The following NRG1 variants were observed in gnomAD, a reference collection of about 807,000 sequenced individuals.
The protein encoded by NRG1 is neuregulin 1.
Under a neutral mutation model 63.8 loss-of-function variants are expected in NRG1, and 18 were observed. The observed-to-expected ratio is 0.28, with a 90% CI of 0.19 to 0.42. The LOEUF (loss-of-function observed/expected upper bound fraction) is 0.42, where lower values mean the gene tolerates loss of function less well. NRG1 is among the 10% of genes least tolerant of loss of function. The pLI is 1.00. For missense variants in NRG1, 762 were observed against 814.7 expected, an observed-to-expected ratio of 0.94 and a Z score of 0.79; for synonymous variants, 302 against 301.3, an observed-to-expected ratio of 1.00 and a Z score of -0.02.
intron 1 of NRG1, among the ~76,000 whole-genome samples, chr8:32,126,442 A>T (rs1014803587): frequency 6.6e-6 from 1 of 151,870 alleles, no homozygotes; most frequent in African/African-American, 2.4e-5. Flanking sequence ...TACAAGGTTA[A>T]TGTCTCTCCT....
intron 5 of NRG1, chr8:32,647,952 G>A (rs749635574): frequency 7.4e-6 from 12 of 1,614,010 alleles, no homozygotes; most frequent in Non-Finnish European, 9.3e-6. Flanking sequence ...AATCTGCATT[G>A]TCCCCATCCT....
rs556643180 is a variant in NRG1 at position 32,140,096 on chromosome 8, T to C, written c.38-455732T>C. Among the ~76,000 whole-genome samples, 3 of 152,272 alleles carry C rather than the reference T, an allele frequency of 2.0e-5. No individual in the cohort carries two copies. In the East Asian group the frequency reaches 5.8e-4, roughly 29 times the overall value. ...GGGACCCAGCAGCTATGGCCATTTA[T>C]GTCTAGTCCCTCACTCTAGAAAGGA... On this transcript the variant is annotated intron_variant, in intron 1 of 10. Coordinates refer to the NRG1 transcript ENST00000519301.
chr8:32,093,952 C>T (rs1829545387), intron 1 of NRG1, among the ~76,000 whole-genome samples: 2 of 152,136 alleles, frequency 1.3e-5, no homozygotes, highest in Non-Finnish European at 2.9e-5. Context: ...GCGGTGACTT[C>T]ACATTTAGGT....
intron 1 of NRG1, among the ~76,000 whole-genome samples, chr8:32,440,410 C>T (rs369353030): frequency 1.3e-5 from 2 of 152,078 alleles, no homozygotes; most frequent in Non-Finnish European, 2.9e-5. Context: ...CTGCCCACCT[C>T]GGCCTCCCAA....
intron 1 of NRG1, among the ~76,000 whole-genome samples, chr8:32,377,388 G>A (rs1334110862): frequency 6.6e-6 from 1 of 152,184 alleles, no homozygotes; most frequent in African/African-American, 2.4e-5. Flanking sequence ...AATTAGAGGA[G>A]AGCAAAGTTA....
chr8:32,026,626 G>A (rs1014626743), intron 1 of NRG1, among the ~76,000 whole-genome samples: 3 of 152,032 alleles, frequency 2.0e-5, no homozygotes, highest in Non-Finnish European at 2.9e-5. Context: ...TGGCTTTTTA[G>A]TCCCAAGATG....
At chr8:32,350,928 T>C (rs544912591) in intron 1 of NRG1, among the ~76,000 whole-genome samples, 2 of 152,312 alleles carry the variant, frequency 1.3e-5, no homozygotes, top group South Asian at 4.1e-4. Flanking sequence ...CCATAGCAGA[T>C]GCTCAGTCAA....
rs115546170 is a variant in NRG1 at position 32,484,966 on chromosome 8, A to G, written c.38-110862A>G. On this transcript the variant is annotated intron_variant, in intron 1 of 10. Transcript: ENST00000519301. ...GTGAACATACACCACGCAACCTCCC[A>G]TTCAGAGAATTCTTGTGCAAAGAAG... Among the ~76,000 whole-genome samples, 633 of 152,316 alleles carry G rather than the reference A, an allele frequency of 4.2e-3. 5 individuals carry two copies. The highest frequency in any genetic ancestry group is 0.015 in the African/African-American group (617 of 41,576).
At chr8:32,611,343 G>A (rs557126099) in intron 3 of NRG1, among the ~76,000 whole-genome samples, 26 of 151,850 alleles carry the variant, frequency 1.7e-4, no homozygotes, top group African/African-American at 4.3e-4. Flanking sequence ...AATAGGCTTC[G>A]CCTTACCCCC....
intron 1 of NRG1, among the ~76,000 whole-genome samples, chr8:31,981,634 C>T (rs1809119261): frequency 6.6e-6 from 1 of 151,926 alleles, no homozygotes; most frequent in South Asian, 2.1e-4. Context: ...TTGATTTGGT[C>T]TTCTCATCTT....
In NRG1 at chr8:32,079,172, CACACACACAT is replaced by C. The variant is rs1158412027; in HGVS notation, c.37+439746_37+439755del. Among the ~76,000 whole-genome samples, 9 of 151,804 alleles carry C rather than the reference CACACACACAT, an allele frequency of 5.9e-5. No individual in the cohort carries two copies. In the East Asian group the frequency reaches 9.7e-4, roughly 16 times the overall value. On this transcript the variant is annotated intron_variant, in intron 1 of 10. Coordinates refer to the NRG1 transcript ENST00000519301. ...ATACACACACACACACACACACACA[CACACACACAT>C]ACACGCACATACAAGGGGTCATACT...
chr8:32,076,135 A>G (rs1017722363), intron 1 of NRG1, among the ~76,000 whole-genome samples: 1 of 152,140 alleles, frequency 6.6e-6, no homozygotes, highest in African/African-American at 2.4e-5. Context: ...ACTTCTTTAC[A>G]GAGTTAGATA....
intron 1 of NRG1, among the ~76,000 whole-genome samples, chr8:31,865,905 C>A (rs1310691054): frequency 1.3e-5 from 2 of 152,116 alleles, no homozygotes; most frequent in African/African-American, 4.8e-5. Context: ...AAGAAATTTA[C>A]TTCTTATGAC....
Position 31,690,262 on chromosome 8 carries a change from C to A in NRG1, c.37+50831C>A, listed in dbSNP as rs189733625. ...TTATAAATTTCCTCTATAAATTACC[C>A]AGTCTTGGGTATTTCTTCATAGCAG... On this transcript the variant is annotated intron_variant, in intron 1 of 10. Transcript: ENST00000519301. 9.9e-3 allele frequency among the ~76,000 whole-genome samples: 1,509 copies of A among 152,274 alleles called. 17 individuals are homozygous for A. The highest frequency in any genetic ancestry group is 0.02 in the Middle Eastern group (6 of 294).
chr8:32,434,584 G>A (rs954349111), intron 1 of NRG1, among the ~76,000 whole-genome samples: 8 of 152,102 alleles, frequency 5.3e-5, no homozygotes, highest in Non-Finnish European at 1.2e-4. Context: ...CTTCAGAGGT[G>A]CACAGGTTTA....
chr8:31,759,546 A>G (rs902453848), intron 1 of NRG1, among the ~76,000 whole-genome samples: 5 of 152,232 alleles, frequency 3.3e-5, no homozygotes, highest in Middle Eastern at 3.4e-3. Flanking sequence ...AGTCACTTAT[A>G]TAAGTGTGAG....
chr8:31,823,229 G>GTAACCCCA (rs777214393), intron 1 of NRG1, among the ~76,000 whole-genome samples: 2 of 146,552 alleles, frequency 1.4e-5, no homozygotes, highest in Non-Finnish European at 3.0e-5. Flanking sequence ...TTTTGAATCA[G>GTAACCCCA]TAACCCCATA....
At chr8:32,142,481 A>C (rs1255232980) in intron 1 of NRG1, among the ~76,000 whole-genome samples, 1 of 152,164 alleles carries the variant, frequency 6.6e-6, no homozygotes, top group African/African-American at 2.4e-5. Context: ...AACTTTGAAG[A>C]CCACCAATAG....
At chr8:32,090,327 A>G (rs1267133205) in intron 1 of NRG1, among the ~76,000 whole-genome samples, 1 of 152,158 alleles carries the variant, frequency 6.6e-6, no homozygotes, top group Non-Finnish European at 1.5e-5. Flanking sequence ...AATCATTGTC[A>G]TGGACTAAAT....
Sources: gnomAD v4.1 joint callset for allele counts (sites outside exome capture counted in the v4.1 genomes callset) on GRCh38, gnomAD v4.1.1 for gene constraint, MANE v1.5 for transcripts, NCBI Gene and HGNC (gene_info 2026-07-23, HGNC 2026-07-21) for gene names.